POLRMT: variants seen among roughly 807,000 people sequenced by gnomAD.
The protein encoded by POLRMT is DNA-directed RNA polymerase, mitochondrial.
POLRMT carries 114 observed loss-of-function variants against 132.2 expected under a neutral mutation model. The ratio of observed to expected loss-of-function variants is 0.86; its 90% confidence interval spans 0.74 to 1.01. The LOEUF is 1.01. POLRMT is among the 50% of genes least tolerant of loss of function. The pLI, the probability that POLRMT is intolerant of heterozygous loss-of-function variation, is 0.00. For missense variants in POLRMT, 2,003 were observed against 1,729.1 expected, an observed-to-expected ratio of 1.16 and a Z score of -2.81; for synonymous variants, 1,020 against 773.4, an observed-to-expected ratio of 1.32 and a Z score of -5.29.
chr19:622,892 C>G lies in POLRMT; in HGVS notation c.1384G>C (p.Glu462Gln). The G allele has an allele frequency of 4.3e-6, 7 of 1,611,794 alleles. No individual in the cohort carries two copies. The highest frequency in any genetic ancestry group is 5.9e-6 in the Non-Finnish European group (7 of 1,179,504). ...TKNRLEREVY[E>Q]GRFSLYPFLC... ...AAGGGGTAAAGTGAGAACCGGCCCT[C>G]GTACACCTCGCGCTCTAGGCGGTTC... Residue 462 changes from glutamate (E) to glutamine (Q), a missense_variant, in exon 7 of 21, where the codon GAG becomes CAG. Transcript: ENST00000588649.
chr19:620,795 C>T (rs1228957414), intron 10 of POLRMT, among the ~76,000 whole-genome samples: 1 of 65,746 alleles, frequency 1.5e-5, no homozygotes, highest in Non-Finnish European at 3.0e-5. Flanking sequence ...GAGGGGGGAA[C>T]GTGGGGAACG....
At chr19:630,273 G>C (rs375430682) in intron 2 of POLRMT, 105 bp from the exon 3 acceptor site, 7 of 1,352,996 alleles carry the variant, frequency 5.2e-6, no homozygotes, top group Non-Finnish European at 5.0e-6. Flanking sequence ...GGCTGAGCTC[G>C]CTGGGACCCA....
At position 617,461 on chromosome 19, in the gene POLRMT, C is replaced by T. The variant is rs140959543; in HGVS notation, c.3601G>A (p.Ala1201Thr). ...FCSEPQKILEASQLKETLQAV... is the reference protein window; with the variant it reads ...FCSEPQKILETSQLKETLQAV... ...TGCAGTGTCTCCTTCAGCTGGCTGGCCTCCAAGATCTTCTGGGGCCTGGGG... is the reference window on the plus strand; with the variant it reads ...TGCAGTGTCTCCTTCAGCTGGCTGGTCTCCAAGATCTTCTGGGGCCTGGGG... The change falls in exon 20 of 21, where the codon GCC becomes ACC. Residue 1201 changes from alanine to threonine, a missense_variant. Ala to Thr is a moderately conservative substitution (Grantham distance 58). Coordinates refer to ENST00000588649, the MANE Select transcript of POLRMT (RefSeq NM_005035.4). 21 of 1,611,776 alleles carry T rather than the reference C, an allele frequency of 1.3e-5. No individual in the cohort carries two copies. Among genetic ancestry groups the T allele is most frequent in the African/African-American group, 9.3e-5 (7 of 74,968 alleles).
chr19:617,402 G>C lies in POLRMT; in HGVS notation c.3643+17C>G. ...CCGCAGTTCGAGCCACCCTTGCGAG[G>C]CTGCCCACCCGCCTACCTGGCTTGG... On this transcript the variant is annotated intron_variant, in intron 20 of 20. Transcript: ENST00000588649. 6.2e-7 allele frequency: 1 copy of C among 1,612,294 alleles called. No individual in the cohort carries two copies. The highest frequency in any genetic ancestry group is 1.1e-5 in the South Asian group (1 of 91,054).
In POLRMT at chr19:617,484, G is replaced by T. The variant is rs1036433524; in HGVS notation, c.3582-4C>A. The T allele has an allele frequency of 6.2e-7, 1 of 1,611,532 alleles. No individual in the cohort carries two copies. The highest frequency in any genetic ancestry group is 8.5e-7 in the Non-Finnish European group (1 of 1,179,744). ...GGCCTCCAAGATCTTCTGGGGCCTG[G>T]GGTTGGAAGCAGGGTGGGGTGAGGC... On this transcript the variant is annotated splice_region_variant and splice_polypyrimidine_tract_variant and intron_variant, in intron 19 of 20. Transcript: ENST00000588649.
chr19:630,070 C>G lies in POLRMT; in HGVS notation c.292G>C (p.Asp98His), dbSNP rs1378623730. 6.2e-7 allele frequency: 1 copy of G among 1,613,854 alleles called. No individual in the cohort carries two copies. The highest frequency in any genetic ancestry group is 8.5e-7 in the Non-Finnish European group (1 of 1,180,004). The change falls in exon 3 of 21, where the codon GAT becomes CAT. Residue 98 changes from aspartate to histidine, a missense_variant. Physicochemically the swap from Asp to His is moderately conservative, Grantham distance 81 (BLOSUM62 -1). Transcript: ENST00000588649. ...TTCCTGGGTGGCTGGAGGCTACCATCTCCACTGCCACATTCTGGGAGCCGC... is the reference window on the plus strand; with the variant it reads ...TTCCTGGGTGGCTGGAGGCTACCATGTCCACTGCCACATTCTGGGAGCCGC... ...VARLPECGSGDGSLQPPRKVQ... is the reference protein window; with the variant it reads ...VARLPECGSGHGSLQPPRKVQ...
Position 621,076 on chromosome 19 carries a change from G to A in POLRMT, c.2622C>T (p.Ser874=), listed in dbSNP as rs144035257. 0.033 allele frequency: 52,542 copies of A among 1,604,612 alleles called. 3,633 individuals carry two copies. Among genetic ancestry groups the A allele is most frequent in the Middle Eastern group, 0.06 (320 of 5,372 alleles). Residue 874 remains serine (S), a synonymous_variant, in exon 10 of 21, where the codon TCC becomes TCT. Transcript: ENST00000588649. ...AEEVMDDILD[S]ADQPLTGRKW... ...CCCCTACCGTCAAGGGTTGGTCCGC[G>A]GAGTCCAGGATGTCATCCATCACCT...
Position 620,375 on chromosome 19 carries a change from G to T in POLRMT, c.2753C>A (p.Pro918His). 6.3e-7 allele frequency: 1 copy of T among 1,577,798 alleles called. No individual in the cohort carries two copies. Among genetic ancestry groups the T allele is most frequent in the South Asian group, 1.2e-5 (1 of 86,424 alleles). Residue 918 changes from proline to histidine, a missense_variant, in exon 11 of 21, where the codon CCC becomes CAC. Coordinates refer to ENST00000588649, the MANE Select transcript of POLRMT (RefSeq NM_005035.4). ...ACCCAGCTGGCTCACCTGATGGACG[G>T]GGAGGTGGGAGACATAGGCGGCAGG... The part of the protein sequence containing the change: ...SDPAAYVSHL[P>H]VHQDGSCNGL...
intron 17 of POLRMT, chr19:618,148 G>A (rs28564211): frequency 0.065 from 36,753 of 561,794 alleles, 2,510 homozygotes; most frequent in South Asian, 0.21. Flanking sequence ...CCACCACCCC[G>A]CATCCTGAGC....
chr19:626,046 C>T (rs72974150), intron 3 of POLRMT, among the ~76,000 whole-genome samples: 14,229 of 152,084 alleles, frequency 0.094, 916 homozygotes, highest in East Asian at 0.25. Context: ...AATTACCCTG[C>T]GAGCACTGTG....
Position 622,637 on chromosome 19 carries a change from T to G in POLRMT, c.1571A>C (p.Gln524Pro), listed in dbSNP as rs1254931813. 3 of 1,607,180 alleles carry G rather than the reference T, an allele frequency of 1.9e-6. No individual in the cohort carries two copies. Among genetic ancestry groups the G allele is most frequent in the Non-Finnish European group, 2.5e-6 (3 of 1,178,390 alleles). ...VQRQRVSGQV[Q>P]ALQNHYRKYL... The stretch of plus-strand genomic sequence containing the variant: ...CTTCCTGTAGTGGTTCTGCAGCGCC[T>G]GCACCTGGCCACTGACCCGCTGCCT... The change falls in exon 8 of 21, where the codon CAG (glutamine) becomes CCG (proline). Residue 524 changes from glutamine to proline, a missense_variant. Gln to Pro is a moderately conservative substitution (Grantham distance 76, BLOSUM62 -1). Transcript: ENST00000588649.
At chr19:617,960 C>T (rs1025765099) in intron 17 of POLRMT, 111 bp from the exon 18 acceptor site, 3 of 980,514 alleles carry the variant, frequency 3.1e-6, no homozygotes, top group African/African-American at 1.6e-5. Context: ...GGGAAGCCCA[C>T]CCTCCTGCAG....
chr19:626,226 C>T (rs984314726), intron 3 of POLRMT, among the ~76,000 whole-genome samples: 2 of 151,818 alleles, frequency 1.3e-5, no homozygotes, highest in African/African-American at 4.8e-5. Flanking sequence ...TCTCAGCTCA[C>T]TGTCAACCTC....
intron 11 of POLRMT, 91 bp from the exon 12 acceptor site, chr19:620,171 G>A: frequency 1.3e-6 from 2 of 1,502,772 alleles, no homozygotes; most frequent in Non-Finnish European, 1.8e-6. Flanking sequence ...CCGTTCCTAG[G>A]GCCGTGCACC....
intron 12 of POLRMT, 63 bp downstream of exon 12, chr19:619,895 C>A: frequency 6.3e-7 from 1 of 1,592,742 alleles, no homozygotes; most frequent in Non-Finnish European, 8.5e-7. Flanking sequence ...CACCTGGGGC[C>A]GAGACTCAGG....
Position 620,483 on chromosome 19 carries a change from C to G in POLRMT, c.2645G>C (p.Arg882Pro). Residue 882 changes from arginine to proline, a missense_variant, in exon 11 of 21, where the codon CGA (arginine) becomes CCA (proline). Transcript: ENST00000588649. ...LDSADQPLTG[R>P]KWWMGAEEPW... ...TTCCTCCGCGCCCATCCACCACTTTCGGCCCTGCGGGGACAGCGGATGGGG... is the reference window on the plus strand; with the variant it reads ...TTCCTCCGCGCCCATCCACCACTTTGGGCCCTGCGGGGACAGCGGATGGGG... 1 of 1,586,272 alleles carries G rather than the reference C, an allele frequency of 6.3e-7. No homozygotes were observed. The highest frequency in any genetic ancestry group is 8.6e-7 in the Non-Finnish European group (1 of 1,165,074).
rs188108539 is a variant in POLRMT, at chr19:618,472, G to A, written c.3422+16C>T. The A allele has an allele frequency of 3.7e-4, 585 of 1,576,032 alleles. 5 individuals carry two copies. In the African/African-American group the frequency reaches 6.4e-3, roughly 17 times the overall value. Reference sequence around the variant, plus strand: ...CTGGGAGGCGAGCGGCACCCACGCCGTCCGGAGACGCCCACCTGTAGCAGT... The same window carrying A: ...CTGGGAGGCGAGCGGCACCCACGCCATCCGGAGACGCCCACCTGTAGCAGT... On this transcript the variant is annotated intron_variant, in intron 17 of 20. Coordinates refer to ENST00000588649, the MANE Select transcript of POLRMT (RefSeq NM_005035.4).
At position 618,538 on chromosome 19, in the gene POLRMT, G is replaced by T. The variant is rs144932030; in HGVS notation, c.3372C>A (p.Ile1124=). ...KQKNGFPPNF[I]HSLDSSHMML... is the part of the protein sequence containing the mutation. ...TCATGTGGGAGGAGTCCAGCGAGTG[G>T]ATGAAGTTGGGCGGGAAGCCGTTCT... The change falls in exon 17 of 21, where the codon ATC becomes ATA. Residue 1124 remains isoleucine (I), a synonymous_variant. Transcript: ENST00000588649. The T allele has an allele frequency of 1.3e-4, 202 of 1,613,422 alleles. 1 individual carries two copies. The African/African-American group carries it at 2.5e-3, about 20-fold the overall frequency.
intron 11 of POLRMT, 41 bp downstream of exon 11, chr19:620,324 G>A (rs767575036): frequency 1.5e-5 from 23 of 1,522,418 alleles, no homozygotes; most frequent in East Asian, 2.4e-5. Context: ...CAGGCCCAGT[G>A]CACACTGCAC....
Sources: allele counts gnomAD v4.1 joint callset (sites outside exome capture counted in the v4.1 genomes callset), GRCh38; gene constraint gnomAD v4.1.1; transcripts MANE v1.5; gene names NCBI Gene and HGNC (gene_info 2026-07-23, HGNC 2026-07-21).